Variants in GPHN observed in about 807,000 individuals in gnomAD.
GPHN encodes gephyrin.
GPHN carries 17 observed loss-of-function variants against 95.5 expected under a neutral mutation model. That is an observed-to-expected ratio of 0.18 (90% CI 0.12 to 0.27). The LOEUF (loss-of-function observed/expected upper bound fraction) is 0.27. Among genes scored for constraint, GPHN ranks in the 10% least tolerant of loss-of-function variants. GPHN has a pLI of 1.00. For synonymous variants in GPHN, 320 were observed against 322.5 expected (o/e 0.99, Z 0.08); for missense variants, 660 against 978.1 (o/e 0.67, Z 4.34).
At chr14:66,628,594 A>G (rs8015842) in intron 1 of GPHN, among the ~76,000 whole-genome samples, 47,235 of 151,980 alleles carry the variant, frequency 0.31, 11,181 homozygotes, top group African/African-American at 0.63. Context: ...TTTACCATAC[A>G]CCACTGTAGA....
intron 9 of GPHN, among the ~76,000 whole-genome samples, chr14:66,984,187 C>A (rs2070871389): frequency 2.0e-5 from 3 of 152,136 alleles, no homozygotes; most frequent in Admixed American, 2.0e-4. Flanking sequence ...ACCAACTCTA[C>A]CTTTATAATC....
At chr14:67,098,851 GAA>G (rs2077538957) in intron 12 of GPHN, among the ~76,000 whole-genome samples, 1 of 150,844 alleles carries the variant, frequency 6.6e-6, no homozygotes, top group Admixed American at 6.6e-5. Flanking sequence ...AAGAGAGAGA[GAA>G]AATACCTAGG....
At chr14:67,636,712 G>A in the GPHN span, among the ~76,000 whole-genome samples, 3 of 152,238 alleles carry the variant, frequency 2.0e-5, no homozygotes, top group African/African-American at 7.2e-5. Flanking sequence ...AAAGATCAGA[G>A]TAGTACTCGG....
chr14:67,673,011 G>A, the GPHN span, among the ~76,000 whole-genome samples: 1 of 152,160 alleles, frequency 6.6e-6, no homozygotes, highest in South Asian at 2.1e-4. Context: ...ACTTCTCCCT[G>A]ATTTCTGGTT....
the GPHN span, chr14:67,621,105 C>T: frequency 1.3e-5 from 10 of 760,170 alleles, no homozygotes; most frequent in Admixed American, 2.5e-4. Context: ...TGGATTCCGT[C>T]TGCGGCTTAA....
At chr14:67,068,063 G>T (rs2076137021) in intron 11 of GPHN, among the ~76,000 whole-genome samples, 2 of 152,194 alleles carry the variant, frequency 1.3e-5, no homozygotes. Context: ...GCAGAATGGA[G>T]CTGTTCCTAT....
chr14:67,511,421 C>G, the GPHN span, among the ~76,000 whole-genome samples: 4 of 152,106 alleles, frequency 2.6e-5, no homozygotes, highest in Non-Finnish European at 5.9e-5. Context: ...TCTGAGGACC[C>G]GAGACCTGTC....
intron 8 of GPHN, among the ~76,000 whole-genome samples, chr14:66,941,910 G>T (rs1294724301): frequency 6.6e-6 from 1 of 152,140 alleles, no homozygotes; most frequent in Non-Finnish European, 1.5e-5. Context: ...CAGTTTCCAT[G>T]AATCTGAAAA....
At chr14:66,522,446 T>C (rs2058520935) in intron 1 of GPHN, among the ~76,000 whole-genome samples, 2 of 152,176 alleles carry the variant, frequency 1.3e-5, no homozygotes, top group Non-Finnish European at 2.9e-5. Context: ...AATGCATCCC[T>C]CCATTTGGAG....
At chr14:67,332,976 G>A in the GPHN span, 1 of 1,589,944 alleles carries the variant, frequency 6.3e-7, no homozygotes, top group Non-Finnish European at 8.6e-7. Context: ...CCATTCTGTG[G>A]CATGTTGGAC....
At chr14:66,728,671 G>A (rs1206749763) in intron 2 of GPHN, among the ~76,000 whole-genome samples, 1 of 152,190 alleles carries the variant, frequency 6.6e-6, no homozygotes, top group Non-Finnish European at 1.5e-5. Context: ...TGTAAGGGCT[G>A]TATTTACCTG....
intron 8 of GPHN, among the ~76,000 whole-genome samples, chr14:66,960,401 C>A (rs539091391): frequency 6.6e-6 from 1 of 151,828 alleles, no homozygotes; most frequent in African/African-American, 2.4e-5. Context: ...TAGATTCTCC[C>A]CTCTCCCTGG....
At chr14:66,858,936 A>C (rs2062910719) in intron 4 of GPHN, among the ~76,000 whole-genome samples, 1 of 151,972 alleles carries the variant, frequency 6.6e-6, no homozygotes, top group South Asian at 2.1e-4. Context: ...AAATAGAGGG[A>C]AGAGTGGGAA....
At chr14:67,364,781 G>C in the GPHN span, 2 of 1,613,268 alleles carry the variant, frequency 1.2e-6, no homozygotes, top group Non-Finnish European at 1.7e-6. Flanking sequence ...CCGGGTCTAA[G>C]TTGTAGATTT....
chr14:67,397,635 A>C, the GPHN span: 1 of 1,590,226 alleles, frequency 6.3e-7, no homozygotes, highest in Non-Finnish European at 8.6e-7. Flanking sequence ...AACAGAGAGG[A>C]GCTGGACAGC....
At chr14:67,198,301 TAGAG>T in the GPHN span, 6 of 1,613,432 alleles carry the variant, frequency 3.7e-6, no homozygotes, top group South Asian at 4.4e-5. Flanking sequence ...CCTCCCATGT[TAGAG>T]AGCAATTTTA....
At chr14:67,388,201 C>G in the GPHN span, 1 of 1,544,148 alleles carries the variant, frequency 6.5e-7, no homozygotes, top group Non-Finnish European at 9.0e-7. Flanking sequence ...GATCTTCAGG[C>G]CAGGGCTGAA....
chr14:66,557,895 A>G (rs117637364), intron 1 of GPHN, among the ~76,000 whole-genome samples: 2,024 of 152,290 alleles, frequency 0.013, 21 homozygotes, highest in Middle Eastern at 0.02. Context: ...CTAAATTATG[A>G]TAACCTTCTT....
chr14:66,674,441 C>A (rs940859826), intron 1 of GPHN, among the ~76,000 whole-genome samples: 53 of 152,202 alleles, frequency 3.5e-4, no homozygotes, highest in Middle Eastern at 6.8e-3. Flanking sequence ...ATTAACCAGC[C>A]TCTTCCCATC....
Sources: gnomAD v4.1 joint callset for allele counts (sites outside exome capture counted in the v4.1 genomes callset) on GRCh38, gnomAD v4.1.1 for gene constraint, MANE v1.5 for transcripts, NCBI Gene and HGNC (gene_info 2026-07-23, HGNC 2026-07-21) for gene names.